Variants in KCNK12 observed in about 807,000 individuals in gnomAD.
KCNK12 encodes potassium two pore domain channel subfamily K member 12.
KCNK12 carries 6 observed loss-of-function variants against 25.3 expected under a neutral mutation model. That is an observed-to-expected ratio of 0.24 (90% CI 0.13 to 0.47). KCNK12 has a LOEUF of 0.47. Ranked by LOEUF, KCNK12 falls within the 20% of genes least tolerant of loss-of-function variation. The pLI is 0.99. For missense variants in KCNK12, 444 were observed against 661.7 expected (o/e 0.67, Z 3.61); for synonymous variants, 331 against 311.1 (o/e 1.06, Z -0.67).
chr2:47,559,734 C>T, intron 1 of KCNK12, among the ~76,000 whole-genome samples: 1 of 152,230 alleles, frequency 6.6e-6, no homozygotes, highest in East Asian at 1.9e-4. Context: ...CGGTGGCTTA[C>T]TTCGCAGATG....
rs754567351 is a variant in KCNK12, at chr2:47,521,690, C to A, written c.510G>T (p.Ser170=). The A allele has an allele frequency of 1.2e-6, 2 of 1,603,098 alleles. No homozygotes were observed. The highest frequency in any genetic ancestry group is 4.5e-5 in the East Asian group (2 of 44,650). ...FFNLFLERII[S]LLAFIMRACR... Reference sequence around the variant, plus strand: ...AGGCGCGCATGATGAAGGCCAGCAGCGAGATGATGCGCTCCAGGAAGAGGT... The same window carrying A: ...AGGCGCGCATGATGAAGGCCAGCAGAGAGATGATGCGCTCCAGGAAGAGGT... The change falls in exon 2 of 2, where the codon TCG becomes TCT. Residue 170 remains serine, a synonymous_variant. Transcript: ENST00000327876.
chr2:47,512,329 C>T lies in KCNK12; in HGVS notation c.*8578G>A, dbSNP rs1668422752. 1.9e-6 allele frequency: 3 copies of T among 1,612,548 alleles called. No homozygotes were observed. The African/African-American group carries it at 4.0e-5, about 22-fold the overall frequency. On this transcript the variant is annotated 3_prime_UTR_variant, in exon 2 of 2. Transcript: ENST00000327876. ...ACCTCAGAGTGACAGAGCCAAAAGA[C>T]CAGTGCCTCATTTTGCTGACATGGA...
In KCNK12 at chr2:47,558,651, C is replaced by T. The variant is rs147586209; in HGVS notation, c.391+11290G>A. ...CACGAGGCGCTCAGAATTCAGAACACTTGGCAGCAGGGAAGAGGATCATGG... is the reference window on the plus strand; with the variant it reads ...CACGAGGCGCTCAGAATTCAGAACATTTGGCAGCAGGGAAGAGGATCATGG... On this transcript the variant is annotated intron_variant, in intron 1 of 1. Transcript: ENST00000327876. 1.9e-4 allele frequency among the ~76,000 whole-genome samples: 29 copies of T among 152,304 alleles called. No individual in the cohort carries two copies. The East Asian group carries it at 5.0e-3, about 26-fold the overall frequency.
rs759589138 is a variant in KCNK12, at chr2:47,512,372, G to T, written c.*8535C>A. 2.3e-5 allele frequency: 37 copies of T among 1,612,090 alleles called. No individual in the cohort carries two copies. The highest frequency in any genetic ancestry group is 5.1e-6 in the Non-Finnish European group (6 of 1,179,660). ...GACATGGAAAAGGAAACTTCGTGGG[G>T]GAAAGAGATCTGCTTGCAGTCGGCC... is the stretch of plus-strand genomic sequence containing the variant. On this transcript the variant is annotated 3_prime_UTR_variant, in exon 2 of 2. Coordinates refer to ENST00000327876, the MANE Select transcript of KCNK12 (RefSeq NM_022055.2).
Position 47,533,836 on chromosome 2 carries a change from A to C in KCNK12, c.392-12028T>G, listed in dbSNP as rs1187129698. 6.6e-6 allele frequency among the ~76,000 whole-genome samples: 1 copy of C among 152,170 alleles called. No homozygotes were observed. Among genetic ancestry groups the C allele is most frequent in the Non-Finnish European group, 1.5e-5 (1 of 68,038 alleles). On this transcript the variant is annotated intron_variant, in intron 1 of 1. Transcript: ENST00000327876. The surrounding 1 kb of genome is among the most constrained non-coding windows in gnomAD (Gnocchi z 4.7). Reference sequence around the variant, plus strand: ...GGATGGACTGCTCCCTGAGGACAGAAGCTCTTGGTTTTCTTCCCTCCGAAG... The same window carrying C: ...GGATGGACTGCTCCCTGAGGACAGACGCTCTTGGTTTTCTTCCCTCCGAAG...
In KCNK12 at chr2:47,516,271, C is replaced by T. The variant is rs1217773375; in HGVS notation, c.*4636G>A. On this transcript the variant is annotated 3_prime_UTR_variant, in exon 2 of 2. Coordinates refer to ENST00000327876, the MANE Select transcript of KCNK12 (RefSeq NM_022055.2). ...GAGTTGCTCCTTAGACCAATGAAAT[C>T]AGACTCCTGGGAGTACGGCCCGGGC... 6.6e-6 allele frequency among the ~76,000 whole-genome samples: 1 copy of T among 152,198 alleles called. No individual in the cohort carries two copies. Among genetic ancestry groups the T allele is most frequent in the African/African-American group, 2.4e-5 (1 of 41,444 alleles).
chr2:47,518,428 T>C lies in KCNK12; in HGVS notation c.*2479A>G, dbSNP rs1668573050. On this transcript the variant is annotated 3_prime_UTR_variant, in exon 2 of 2. Transcript: ENST00000327876. This position sits in a 1 kb window ranked among gnomAD's most constrained non-coding sequence, Gnocchi z 4.1. ...AGAAGATTGCTCAAGCTGCCTCCAA[T>C]TGCCTCTTTCCAAAACCAAAGCATA... 1 of 152,210 alleles carries C rather than the reference T, an allele frequency of 6.6e-6. No individual in the cohort carries two copies. Among genetic ancestry groups the C allele is most frequent in the African/African-American group, 2.4e-5 (1 of 41,438 alleles). 9.4% of individuals were successfully genotyped at this position (152,210 alleles called of 1,614,324 possible).
Position 47,515,169 on chromosome 2 carries a change from A to C in KCNK12, c.*5738T>G, listed in dbSNP as rs1205890599. 6.6e-6 allele frequency among the ~76,000 whole-genome samples: 1 copy of C among 152,220 alleles called. No homozygotes were observed. The highest frequency in any genetic ancestry group is 2.4e-5 in the African/African-American group (1 of 41,448). On this transcript the variant is annotated 3_prime_UTR_variant, in exon 2 of 2. Coordinates refer to ENST00000327876, the MANE Select transcript of KCNK12 (RefSeq NM_022055.2). ...CAGAGAGGAGAGCTGATGGGTGACGAGAAATCAGGCCTCTCCGCCACGGCA... is the reference window on the plus strand; with the variant it reads ...CAGAGAGGAGAGCTGATGGGTGACGCGAAATCAGGCCTCTCCGCCACGGCA...
At position 47,521,780 on chromosome 2, in the gene KCNK12, C is replaced by T. The variant is rs776522445; in HGVS notation, c.420G>A (p.Val140=). ...IGFGMTTPAT[V]GGKAFLIAYG... is the part of the protein sequence containing the mutation. Reference sequence around the variant, plus strand: ...AGGCGATGAGGAAGGCCTTCCCGCCCACCGTCGCGGGGGTGGTCATGCCGA... The same window carrying T: ...AGGCGATGAGGAAGGCCTTCCCGCCTACCGTCGCGGGGGTGGTCATGCCGA... Residue 140 remains valine (V), a synonymous_variant, in exon 2 of 2, where the codon GTG becomes GTA. Transcript: ENST00000327876. 53 of 1,529,750 alleles carry T rather than the reference C, an allele frequency of 3.5e-5. No homozygotes were observed. The highest frequency in any genetic ancestry group is 4.5e-5 in the Admixed American group (2 of 44,718). The allele number at this position is 1,529,750 out of a possible 1,614,324, so 94.8% of individuals were successfully genotyped here.
chr2:47,534,264 GTT>G lies in KCNK12; in HGVS notation c.392-12458_392-12457del, dbSNP rs945325633. On this transcript the variant is annotated intron_variant, in intron 1 of 1. Coordinates refer to ENST00000327876, the MANE Select transcript of KCNK12 (RefSeq NM_022055.2). Reference sequence around the variant, plus strand: ...TCTGTGCTTTATCTCTGGGATTAAGGTTTTCTCTCCTCACCAGAAATCATTCA... The same window carrying G: ...TCTGTGCTTTATCTCTGGGATTAAGGTTCTCTCCTCACCAGAAATCATTCA... Among the ~76,000 whole-genome samples, 32 of 152,106 alleles carry G rather than the reference GTT, an allele frequency of 2.1e-4. 1 individual carries two copies. The highest frequency in any genetic ancestry group is 7.7e-4 in the African/African-American group (32 of 41,484).
rs1460757763 is a variant in KCNK12 at position 47,551,635 on chromosome 2, G to A, written c.391+18306C>T. 2.0e-5 allele frequency among the ~76,000 whole-genome samples: 3 copies of A among 152,172 alleles called. No homozygotes were observed. Among genetic ancestry groups the A allele is most frequent in the African/African-American group, 7.2e-5 (3 of 41,434 alleles). On this transcript the variant is annotated intron_variant, in intron 1 of 1. Transcript: ENST00000327876. The surrounding 1 kb of genome is among the most constrained non-coding windows in gnomAD (Gnocchi z 5.3). ...AATACAGGGCCTGCTAACTGTTCTG[G>A]AAAGTATGACGTGTGAAATCAGTAT... is the stretch of plus-strand genomic sequence containing the variant.
chr2:47,544,487 C>T lies in KCNK12; in HGVS notation c.392-22679G>A, dbSNP rs537688159. ...TGATGGCTAACACCATTGTTCGCAGCGTTCCTACTGAAACACATTGGTCGT... is the reference window on the plus strand; with the variant it reads ...TGATGGCTAACACCATTGTTCGCAGTGTTCCTACTGAAACACATTGGTCGT... On this transcript the variant is annotated intron_variant, in intron 1 of 1. Coordinates refer to ENST00000327876, the MANE Select transcript of KCNK12 (RefSeq NM_022055.2). Among the ~76,000 whole-genome samples the T allele has an allele frequency of 2.8e-4, 42 of 152,386 alleles. No individual in the cohort carries two copies. In the Middle Eastern group the frequency reaches 0.01, roughly 37 times the overall value.
At position 47,566,103 on chromosome 2, in the gene KCNK12, G is replaced by C. The variant is rs913635851; in HGVS notation, c.391+3838C>G. 2.6e-5 allele frequency: 4 copies of C among 152,316 alleles called. No homozygotes were observed. Among genetic ancestry groups the C allele is most frequent in the Non-Finnish European group, 4.4e-5 (3 of 68,038 alleles). The allele number at this position is 152,316 out of a possible 1,614,324, so 9.4% of individuals were successfully genotyped here. A position where few individuals can be genotyped will look rare whatever the true frequency, so the allele number is the denominator to read the frequency against. ...CACAAAGTGGATTTTTATTTCGCTT[G>C]AGCTATTCAGATTGACTTTCTACAC... is the stretch of plus-strand genomic sequence containing the variant. On this transcript the variant is annotated intron_variant, in intron 1 of 1. Transcript: ENST00000327876. The surrounding 1 kb of genome is among the most constrained non-coding windows in gnomAD (Gnocchi z 4.1).
Position 47,512,408 on chromosome 2 carries a change from A to C in KCNK12, c.*8499T>G. Reference sequence around the variant, plus strand: ...TGCTTGCAGTCGGCCAGAGAGACAGAACCAGGGCAGTGGTGAGCTCTCATG... The same window carrying C: ...TGCTTGCAGTCGGCCAGAGAGACAGCACCAGGGCAGTGGTGAGCTCTCATG... On this transcript the variant is annotated 3_prime_UTR_variant, in exon 2 of 2. Transcript: ENST00000327876. 1 of 1,611,054 alleles carries C rather than the reference A, an allele frequency of 6.2e-7. No homozygotes were observed. The highest frequency in any genetic ancestry group is 8.5e-7 in the Non-Finnish European group (1 of 1,179,112).
chr2:47,561,552 G>C (rs1669670805), intron 1 of KCNK12, among the ~76,000 whole-genome samples: 1 of 152,130 alleles, frequency 6.6e-6, no homozygotes, highest in South Asian at 2.1e-4. Context: ...GTGAGCTACA[G>C]GGAAGGAAAT....
chr2:47,510,798 T>C lies in KCNK12; in HGVS notation c.*10109A>G, dbSNP rs1406072780. ...ATATTAACTGGCTGCCCAGAATAAA[T>C]GAAGAATAGCTTATTCTTTGCCAGG... On this transcript the variant is annotated 3_prime_UTR_variant, in exon 2 of 2. Transcript: ENST00000327876. 4 of 152,172 alleles carry C rather than the reference T, an allele frequency of 2.6e-5. No individual in the cohort carries two copies. The highest frequency in any genetic ancestry group is 9.7e-5 in the African/African-American group (4 of 41,420). 9.4% of individuals were successfully genotyped at this position (152,172 alleles called of 1,614,324 possible).
At position 47,569,362 on chromosome 2, in the gene KCNK12, C is replaced by T. The variant is rs1006202811; in HGVS notation, c.391+579G>A. 1.3e-5 allele frequency among the ~76,000 whole-genome samples: 2 copies of T among 151,906 alleles called. No individual in the cohort carries two copies. Among genetic ancestry groups the T allele is most frequent in the East Asian group, 1.9e-4 (1 of 5,172 alleles). On this transcript the variant is annotated intron_variant, in intron 1 of 1. Transcript: ENST00000327876. This position sits in a 1 kb window ranked among gnomAD's most constrained non-coding sequence, Gnocchi z 4.1. ...AGCTGAAGTCCTGGCCTCAGGCTAA[C>T]GGGCTTTACTTTGGGGGGCGGTATA...
At chr2:47,558,848 T>A (rs2104876138) in intron 1 of KCNK12, among the ~76,000 whole-genome samples, 1 of 152,352 alleles carries the variant, frequency 6.6e-6, no homozygotes, top group East Asian at 1.9e-4. Context: ...TGGCTTTTCC[T>A]GGTTTGTGGA....
chr2:47,537,177 A>G (rs1669090768), intron 1 of KCNK12, among the ~76,000 whole-genome samples: 1 of 152,186 alleles, frequency 6.6e-6, no homozygotes, highest in South Asian at 2.1e-4. Context: ...TGCAGCCCAT[A>G]ATAGCATTTT....
Sources: allele counts gnomAD v4.1 joint callset (sites outside exome capture counted in the v4.1 genomes callset), GRCh38; gene constraint gnomAD v4.1.1; non-coding constraint Gnocchi (gnomAD v3.1); transcripts MANE v1.5; gene names NCBI Gene and HGNC (gene_info 2026-07-23, HGNC 2026-07-21).